The following CYP2C19 variants were observed in gnomAD, a reference collection of about 807,000 sequenced individuals.
CYP2C19 encodes the protein cytochrome P450 family 2 subfamily C member 19.
Under a neutral mutation model 40.9 loss-of-function variants are expected in CYP2C19, and 59 were observed. The observed-to-expected ratio is 1.44, with a 90% CI of 1.17 to 1.79. CYP2C19 has a LOEUF of 1.79. CYP2C19 is among the 40% of genes most tolerant of loss of function. The pLI, the probability that CYP2C19 is intolerant of heterozygous loss-of-function variation, is 0.00. For missense variants in CYP2C19, 754 were observed against 596.9 expected, an observed-to-expected ratio of 1.26 and a Z score of -2.74; for synonymous variants, 253 against 208.7, an observed-to-expected ratio of 1.21 and a Z score of -1.83.
intron 6 of CYP2C19, among the ~76,000 whole-genome samples, chr10:94,825,911 G>A (rs1420080933): frequency 6.6e-6 from 1 of 151,744 alleles, no homozygotes; most frequent in Non-Finnish European, 1.5e-5. Flanking sequence ...TTATTAAATA[G>A]GGAATCCTTT....
At position 94,775,401 on chromosome 10, in the gene CYP2C19, A is replaced by G. The variant is rs957650583; in HGVS notation, c.343A>G (p.Ser115Gly). The change falls in exon 3 of 9, where the codon AGC (serine) becomes GGC (glycine). Residue 115 changes from serine (S) to glycine (G), a missense_variant. Ser to Gly is a moderately conservative substitution (Grantham distance 56, BLOSUM62 0). Transcript: ENST00000371321. ...TCTCTTCCTGTTAGGAATCGTTTTC[A>G]GCAATGGAAAGAGATGGAAGGAGAT... The part of the protein sequence containing the change: ...RANRGFGIVF[S>G]NGKRWKEIRR... 7.4e-6 allele frequency: 12 copies of G among 1,613,930 alleles called. No homozygotes were observed. The highest frequency in any genetic ancestry group is 1.7e-5 in the Admixed American group (1 of 60,012).
At position 94,854,355 on chromosome 10, in the gene CYP2C19, C is replaced by A. The variant is rs1849701691; in HGVS notation, c.*1441C>A. On this transcript the variant is annotated 3_prime_UTR_variant, in exon 9 of 9. Transcript: ENST00000371321. ...CTAAGAAGAATTACCAGGGTTTAAT[C>A]TTTTTCAGCTTCTCCTATATTGTTT... Among the ~76,000 whole-genome samples the A allele has an allele frequency of 6.6e-6, 1 of 152,156 alleles. No individual in the cohort carries two copies. Among genetic ancestry groups the A allele is most frequent in the South Asian group, 2.1e-4 (1 of 4,814 alleles).
chr10:94,770,090 G>A (rs983226678), intron 1 of CYP2C19, among the ~76,000 whole-genome samples: 2 of 152,148 alleles, frequency 1.3e-5, no homozygotes, highest in Non-Finnish European at 2.9e-5. Context: ...TTAACACTGA[G>A]AAGGCCACAC....
rs1483138494 is a variant in CYP2C19 at position 94,820,628 on chromosome 10, G to C, written c.952G>C (p.Glu318Gln). The change falls in exon 6 of 9, where the codon GAG becomes CAG. Residue 318 changes from glutamate (E) to glutamine (Q), a missense_variant. Coordinates refer to ENST00000371321, the MANE Select transcript of CYP2C19 (RefSeq NM_000769.4). ...TCTCCTTCTCCTGCTGAAGCACCCAGAGGTCACAGGTATGATCACAGAGGA... is the reference window on the plus strand; with the variant it reads ...TCTCCTTCTCCTGCTGAAGCACCCACAGGTCACAGGTATGATCACAGAGGA... ...YALLLLLKHP[E>Q]VTAKVQEEIE... 1.2e-6 allele frequency: 2 copies of C among 1,614,172 alleles called. No individual in the cohort carries two copies. The highest frequency in any genetic ancestry group is 1.7e-6 in the Non-Finnish European group (2 of 1,180,024).
intron 6 of CYP2C19, among the ~76,000 whole-genome samples, chr10:94,825,431 G>GT (rs1564677457): frequency 6.6e-6 from 1 of 150,670 alleles, no homozygotes; most frequent in Non-Finnish European, 1.5e-5. Context: ...TTTTTCATGT[G>GT]TTTTTTGACT....
chr10:94,791,520 T>C (rs1018559684), intron 5 of CYP2C19, among the ~76,000 whole-genome samples: 2 of 152,180 alleles, frequency 1.3e-5, no homozygotes, highest in African/African-American at 2.4e-5. Context: ...TAAATTTCCA[T>C]CTACACACTG....
chr10:94,785,911 T>C (rs1182489767), intron 5 of CYP2C19, among the ~76,000 whole-genome samples: 1 of 152,046 alleles, frequency 6.6e-6, no homozygotes, highest in Admixed American at 6.6e-5. Flanking sequence ...CATAATAACA[T>C]TAGAGTGGGT....
intron 6 of CYP2C19, among the ~76,000 whole-genome samples, chr10:94,838,837 G>A (rs948147744): frequency 2.0e-5 from 3 of 152,142 alleles, no homozygotes; most frequent in Admixed American, 6.5e-5. Context: ...AGGTCTAGCT[G>A]TAAGATGGTG....
intron 5 of CYP2C19, among the ~76,000 whole-genome samples, chr10:94,789,719 C>G (rs1027636993): frequency 5.3e-5 from 8 of 152,096 alleles, no homozygotes; most frequent in South Asian, 2.1e-4. Flanking sequence ...ATTTTGGTAA[C>G]AGTACCATGC....
rs754219797 is a variant in CYP2C19, at chr10:94,762,725, T to C, written c.20T>C (p.Leu7Pro). 1 of 1,613,642 alleles carries C rather than the reference T, an allele frequency of 6.2e-7. No homozygotes were observed. The highest frequency in any genetic ancestry group is 1.1e-5 in the South Asian group (1 of 91,050). The change falls in exon 1 of 9, where the codon CTT becomes CCT. Residue 7 changes from leucine (L) to proline (P), a missense_variant. Leu to Pro is a moderately conservative substitution (Grantham distance 98). Coordinates refer to ENST00000371321, the MANE Select transcript of CYP2C19 (RefSeq NM_000769.4). ...GCTTCAATGGATCCTTTTGTGGTCC[T>C]TGTGCTCTGTCTCTCATGTTTGCTT... MDPFVV[L>P]VLCLSCLLLL...
chr10:94,831,124 C>T (rs1589371999), intron 6 of CYP2C19, among the ~76,000 whole-genome samples: 3 of 152,126 alleles, frequency 2.0e-5, no homozygotes, highest in Admixed American at 6.5e-5. Context: ...TGAGAACATG[C>T]TATGTTTGTT....
In CYP2C19 at chr10:94,806,815, G is replaced by A. The variant is rs528842083; in HGVS notation, c.820-13681G>A. Among the ~76,000 whole-genome samples the A allele has an allele frequency of 9.9e-5, 15 of 151,292 alleles. No homozygotes were observed. The East Asian group carries it at 2.7e-3, about 27-fold the overall frequency. On this transcript the variant is annotated intron_variant, in intron 5 of 8. Coordinates refer to ENST00000371321, the MANE Select transcript of CYP2C19 (RefSeq NM_000769.4). ...TTATGGGGTGTACTGTAATATTTCA[G>A]TATATGTATACAATGTGTAATGATC...
At position 94,833,050 on chromosome 10, in the gene CYP2C19, C is replaced by G. The variant is rs150574440; in HGVS notation, c.962-9787C>G. On this transcript the variant is annotated intron_variant, in intron 6 of 8. Transcript: ENST00000371321. ...TTAAATGGGATTACATTTTAAATTT[C>G]TTTTTCTCATTGTTCACTGTTGGCA... Among the ~76,000 whole-genome samples the G allele has an allele frequency of 1.1e-4, 17 of 152,070 alleles. 1 individual carries two copies. In the East Asian group the frequency reaches 3.3e-3, roughly 29 times the overall value.
chr10:94,793,952 C>G (rs1396371193), intron 5 of CYP2C19, among the ~76,000 whole-genome samples: 1 of 152,074 alleles, frequency 6.6e-6, no homozygotes, highest in African/African-American at 2.4e-5. Context: ...TGCCCTGCCC[C>G]CAAAGGTGTA....
intron 5 of CYP2C19, among the ~76,000 whole-genome samples, chr10:94,789,855 AAG>A (rs1554850175): frequency 1.3e-5 from 2 of 152,066 alleles, no homozygotes; most frequent in East Asian, 3.8e-4. Flanking sequence ...ATGAAAATGA[AAG>A]TAGTTATTTT....
Position 94,811,938 on chromosome 10 carries a change from C to A in CYP2C19, c.820-8558C>A, listed in dbSNP as rs139238766. On this transcript the variant is annotated intron_variant, in intron 5 of 8. Transcript: ENST00000371321. ...TTATGATGCTAGCTGATTATTTTGC[C>A]TTTTAGTTGATGCAGTTTTTTTATA... Among the ~76,000 whole-genome samples, 1,025 of 147,490 alleles carry A rather than the reference C, an allele frequency of 6.9e-3. 23 individuals are homozygous for A. The highest frequency in any genetic ancestry group is 0.043 in the Admixed American group (651 of 14,978).
At chr10:94,841,091 T>G (rs1849488426) in intron 6 of CYP2C19, among the ~76,000 whole-genome samples, 1 of 152,118 alleles carries the variant, frequency 6.6e-6, no homozygotes, top group Non-Finnish European at 1.5e-5. Flanking sequence ...TCCAAGATGG[T>G]GGCAAGCTTC....
intron 5 of CYP2C19, among the ~76,000 whole-genome samples, chr10:94,810,198 T>C (rs1848893624): frequency 6.6e-6 from 1 of 152,196 alleles, no homozygotes; most frequent in Non-Finnish European, 1.5e-5. Flanking sequence ...TTGATTTGCA[T>C]GTGTTGAACG....
At chr10:94,789,631 T>A (rs1238438839) in intron 5 of CYP2C19, among the ~76,000 whole-genome samples, 1 of 152,104 alleles carries the variant, frequency 6.6e-6, no homozygotes, top group Non-Finnish European at 1.5e-5. Flanking sequence ...TTTTGTCAGG[T>A]TTGTCAAAGA....
Sources: gnomAD v4.1 joint callset for allele counts (sites outside exome capture counted in the v4.1 genomes callset) on GRCh38, gnomAD v4.1.1 for gene constraint, MANE v1.5 for transcripts, NCBI Gene and HGNC (gene_info 2026-07-23, HGNC 2026-07-21) for gene names.